The following DNAH7 variants were observed in gnomAD, a reference collection of about 807,000 sequenced individuals.
DNAH7 encodes the protein axonemal beta dynein heavy chain 7.
A neutral mutation model predicts 444.6 loss-of-function variants in DNAH7; 397 were observed. The observed-to-expected ratio is 0.89, with a 90% CI of 0.82 to 0.97. DNAH7 has a LOEUF of 0.97. Among genes scored for constraint, DNAH7 ranks in the 50% least tolerant of loss-of-function variants. The pLI is 0.00. For synonymous variants in DNAH7, 1,636 were observed against 1,624.4 expected, an observed-to-expected ratio of 1.01 and a Z score of -0.17; for missense variants, 4,902 against 4,800.8, an observed-to-expected ratio of 1.02 and a Z score of -0.62.
chr2:195,777,058 T>C (rs950544881), intron 59 of DNAH7, among the ~76,000 whole-genome samples: 1 of 152,182 alleles, frequency 6.6e-6, no homozygotes, highest in African/African-American at 2.4e-5. Context: ...CATCTGCCCT[T>C]GGCTAGCATT....
chr2:195,872,448 A>T lies in DNAH7; in HGVS notation c.6435T>A (p.Phe2145Leu). 6.3e-7 allele frequency: 1 copy of T among 1,592,500 alleles called. No individual in the cohort carries two copies. Among genetic ancestry groups the T allele is most frequent in the Non-Finnish European group, 8.5e-7 (1 of 1,170,130 alleles). The change falls in exon 40 of 65, where the codon TTT becomes TTA. Residue 2145 changes from phenylalanine to leucine, a missense_variant. By Grantham distance (22) the Phe-to-Leu change is conservative. Transcript: ENST00000312428. ...TTACGATTTGTGTGGTCAAATCTAG[A>T]AATTCATCTGGAAATTTATAACTTA... ...LEICYKFPDE[F>L]LDLTTQIVNG...
At chr2:196,055,168 C>A (rs1370018629) in intron 2 of DNAH7, among the ~76,000 whole-genome samples, 2 of 152,094 alleles carry the variant, frequency 1.3e-5, no homozygotes, top group African/African-American at 4.8e-5. Context: ...CCAGCCTGGG[C>A]AACATGGTGA....
rs534834190 is a variant in DNAH7, at chr2:195,793,044, C to T, written c.10716+1294G>A. On this transcript the variant is annotated intron_variant, in intron 57 of 64. Transcript: ENST00000312428. ...TCCTGGGCTCCAGCGATCCTCCCTC[C>T]TCAGCCTCTCGAGTAGCTGGGACTA... Among the ~76,000 whole-genome samples the T allele has an allele frequency of 4.3e-4, 66 of 152,280 alleles. No homozygotes were observed. In the East Asian group the frequency reaches 0.011, roughly 25 times the overall value.
chr2:196,026,286 C>T (rs1285894229), intron 7 of DNAH7, among the ~76,000 whole-genome samples: 1 of 152,160 alleles, frequency 6.6e-6, no homozygotes, highest in East Asian at 1.9e-4. Context: ...TCTACTGCAA[C>T]AATTTTGTAT....
intron 56 of DNAH7, among the ~76,000 whole-genome samples, chr2:195,795,023 A>T (rs1253393458): frequency 1.3e-5 from 2 of 152,202 alleles, no homozygotes; most frequent in Non-Finnish European, 2.9e-5. Flanking sequence ...ATACAATTCA[A>T]CAGGTCATGA....
At chr2:195,976,718 T>C (rs1033211082) in intron 15 of DNAH7, among the ~76,000 whole-genome samples, 2 of 91,884 alleles carry the variant, frequency 2.2e-5, no homozygotes, top group East Asian at 3.2e-4. Flanking sequence ...CCAGGCAGCT[T>C]AGCAGACAGA....
At position 195,834,996 on chromosome 2, in the gene DNAH7, A is replaced by G. The variant is rs181278264; in HGVS notation, c.8946-636T>C. 1.2e-3 allele frequency among the ~76,000 whole-genome samples: 179 copies of G among 152,304 alleles called. 1 individual carries two copies. Among genetic ancestry groups the G allele is most frequent in the Admixed American group, 2.0e-3 (31 of 15,294 alleles). ...TTTAGTGTCATATATGTAGTTCATTACATATTTGCTTTATGATAAGAACAA... is the reference window on the plus strand; with the variant it reads ...TTTAGTGTCATATATGTAGTTCATTGCATATTTGCTTTATGATAAGAACAA... On this transcript the variant is annotated intron_variant, in intron 47 of 64. Transcript: ENST00000312428.
At chr2:195,950,851 CAAAAAAAAAA>C (rs67782183) in intron 19 of DNAH7, among the ~76,000 whole-genome samples, 1,461 of 36,720 alleles carry the variant, frequency 0.04, 62 homozygotes, top group African/African-American at 0.13. Flanking sequence ...GACTCTGTCT[CAAAAAAAAAA>C]AAAAAAAAAA....
chr2:195,742,409 T>G (rs1693100219), intron 63 of DNAH7, among the ~76,000 whole-genome samples: 1 of 152,224 alleles, frequency 6.6e-6, no homozygotes, highest in Non-Finnish European at 1.5e-5. Flanking sequence ...GATTAGTTAT[T>G]CCTCATTTGG....
intron 13 of DNAH7, among the ~76,000 whole-genome samples, 176 bp from the exon 14 acceptor site, chr2:195,987,369 C>A (rs1381585881): frequency 6.6e-6 from 1 of 152,010 alleles, no homozygotes; most frequent in East Asian, 1.9e-4. Flanking sequence ...ATACAACTAT[C>A]TTCTGGGTAA....
chr2:195,891,717 C>T lies in DNAH7; in HGVS notation c.4984G>A (p.Val1662Met), dbSNP rs909544966. Reference sequence around the variant, plus strand: ...ACCCCATCAGACCATTCATGGGACACTGAATCAAACTGTCCGTACAGTTGG... The same window carrying T: ...ACCCCATCAGACCATTCATGGGACATTGAATCAAACTGTCCGTACAGTTGG... ...MGQLYGQFDS[V>M]SHEWSDGVLA... Residue 1662 changes from valine (V) to methionine (M), a missense_variant, in exon 31 of 65, where the codon GTG becomes ATG. Transcript: ENST00000312428. 25 of 1,607,566 alleles carry T rather than the reference C, an allele frequency of 1.6e-5. No individual in the cohort carries two copies. Among genetic ancestry groups the T allele is most frequent in the Admixed American group, 3.4e-5 (2 of 59,186 alleles).
At chr2:195,780,332 T>C (rs972672159) in intron 58 of DNAH7, among the ~76,000 whole-genome samples, 9 of 152,208 alleles carry the variant, frequency 5.9e-5, no homozygotes, top group African/African-American at 2.2e-4. Context: ...CTTTTTCTTA[T>C]TCAAAAGCTC....
intron 41 of DNAH7, among the ~76,000 whole-genome samples, chr2:195,862,505 C>G (rs1446873441): frequency 6.6e-6 from 1 of 152,132 alleles, no homozygotes; most frequent in African/African-American, 2.4e-5. Flanking sequence ...AATTTATAAC[C>G]AAAGACTTCC....
intron 10 of DNAH7, among the ~76,000 whole-genome samples, chr2:196,008,251 G>A (rs1302390116): frequency 2.6e-5 from 4 of 151,892 alleles, no homozygotes; most frequent in African/African-American, 9.7e-5. Flanking sequence ...TCATAACCAC[G>A]AGGGTGGCTA....
At chr2:195,790,844 A>G (rs2105981238) in intron 57 of DNAH7, among the ~76,000 whole-genome samples, 1 of 152,322 alleles carries the variant, frequency 6.6e-6, no homozygotes, top group African/African-American at 2.4e-5. Context: ...GACAAGTGAG[A>G]CCTAATTAAA....
chr2:195,884,679 T>C lies in DNAH7; in HGVS notation c.5669A>G (p.Lys1890Arg), dbSNP rs963680314. The C allele has an allele frequency of 1.9e-6, 3 of 1,614,072 alleles. No individual in the cohort carries two copies. Among genetic ancestry groups the C allele is most frequent in the Non-Finnish European group, 2.5e-6 (3 of 1,180,012 alleles). Residue 1890 changes from lysine to arginine, a missense_variant, in exon 35 of 65, where the codon AAA (lysine) becomes AGA (arginine). Transcript: ENST00000312428. ...PISDRTRNTF[K>R]LQSGTEQTSS... ...TGTTTGCTCAGTACCACTCTGTAATTTAAACGTATTTCGAGTTCGATCTGA... is the reference window on the plus strand; with the variant it reads ...TGTTTGCTCAGTACCACTCTGTAATCTAAACGTATTTCGAGTTCGATCTGA...
chr2:195,981,280 AAAG>A (rs1367967513), intron 15 of DNAH7, among the ~76,000 whole-genome samples: 3 of 152,188 alleles, frequency 2.0e-5, no homozygotes, highest in East Asian at 1.9e-4. Context: ...AGGATTAACC[AAAG>A]AAGTGAAAGA....
chr2:195,872,111 CT>C (rs1700746277), intron 40 of DNAH7, 138 bp downstream of exon 40: 3 of 642,058 alleles, frequency 4.7e-6, no homozygotes, highest in Non-Finnish European at 7.7e-6. Flanking sequence ...TAAAATTTTT[CT>C]GAACACTGGC....
intron 18 of DNAH7, among the ~76,000 whole-genome samples, chr2:195,958,854 C>T (rs1690880061): frequency 6.6e-6 from 1 of 152,152 alleles, no homozygotes; most frequent in Admixed American, 6.5e-5. Context: ...AGGCAAGTGC[C>T]AGGCTCAAGT....
Sources: gnomAD v4.1 joint callset for allele counts (sites outside exome capture counted in the v4.1 genomes callset) on GRCh38, gnomAD v4.1.1 for gene constraint, MANE v1.5 for transcripts, NCBI Gene and HGNC (gene_info 2026-07-23, HGNC 2026-07-21) for gene names.